SPATA7: variants seen among roughly 807,000 people sequenced by gnomAD.
The protein encoded by SPATA7 is spermatogenesis associated 7.
SPATA7 carries 43 observed loss-of-function variants against 51.8 expected under a neutral mutation model. The ratio of observed to expected loss-of-function variants is 0.83; its 90% confidence interval spans 0.65 to 1.07. The LOEUF (loss-of-function observed/expected upper bound fraction) is 1.07. Among genes scored for constraint, SPATA7 ranks in the 50% least tolerant of loss-of-function variants. SPATA7 has a pLI of 0.00. For synonymous variants in SPATA7, 230 were observed against 252.8 expected (o/e 0.91, Z 0.86); for missense variants, 683 against 701.3 (o/e 0.97, Z 0.30).
intron 6 of SPATA7, among the ~76,000 whole-genome samples, chr14:88,427,263 T>A (rs568747008): frequency 1.3e-5 from 2 of 152,198 alleles, no homozygotes; most frequent in Non-Finnish European, 2.9e-5. Context: ...GAATGTTCAA[T>A]AAAAGTTTGC....
Position 88,438,143 on chromosome 14 carries a change from A to G in SPATA7, c.1521A>G (p.Gln507=), listed in dbSNP as rs112540192. 12 of 1,613,822 alleles carry G rather than the reference A, an allele frequency of 7.4e-6. No homozygotes were observed. Among genetic ancestry groups the G allele is most frequent in the African/African-American group, 6.7e-5 (5 of 75,042 alleles). ...AGCATTCAGAAGGGGTTATAATTCA[A>G]CAGGTGAATGATGAAACAAATCTTG... ...KSKHSEGVII[Q]QVNDETNLET... The change falls in exon 12 of 12, where the codon CAA becomes CAG. Residue 507 remains glutamine, a synonymous_variant. Coordinates refer to ENST00000393545, the MANE Select transcript of SPATA7 (RefSeq NM_018418.5).
chr14:88,437,088 T>C (rs1347574921), intron 10 of SPATA7, among the ~76,000 whole-genome samples: 3 of 151,558 alleles, frequency 2.0e-5, no homozygotes, highest in Non-Finnish European at 2.9e-5. Context: ...TTTTTTTTGG[T>C]GTCCTTTTCC....
At chr14:88,391,670 T>A in intron 2 of SPATA7, 1 of 615,510 alleles carries the variant, frequency 1.6e-6, no homozygotes, top group Non-Finnish European at 3.0e-6. Context: ...TGGACTTGGC[T>A]GTCTCCTGCT....
intron 4 of SPATA7, among the ~76,000 whole-genome samples, chr14:88,406,273 A>T (rs1243489671): frequency 6.6e-6 from 1 of 152,012 alleles, no homozygotes; most frequent in East Asian, 1.9e-4. Flanking sequence ...TTGAAAAATA[A>T]TTTACATACT....
rs776035878 is a variant in SPATA7 at position 88,433,102 on chromosome 14, AT to A, written c.1083-28del. 12 of 1,547,672 alleles carry A rather than the reference AT, an allele frequency of 7.8e-6. No homozygotes were observed. The Admixed American group carries it at 1.8e-4, about 24-fold the overall frequency. ...CAGTTTTCAGAATAAGTAAGGAATA[AT>A]TTTTATGCTATATATTGCCTTCCTT... On this transcript the variant is annotated intron_variant, in intron 9 of 11. Transcript: ENST00000393545.
intron 4 of SPATA7, among the ~76,000 whole-genome samples, chr14:88,408,682 G>T (rs150218833): frequency 0.035 from 5,371 of 152,142 alleles, 313 homozygotes; most frequent in African/African-American, 0.12. Flanking sequence ...CCTTGTCTTG[G>T]GCCGGTTTTC....
In SPATA7 at chr14:88,445,485, C is replaced by T. The variant is rs1313303333; in HGVS notation, c.177+7582C>T. On this transcript the variant is annotated intron_variant, in intron 3 of 3. Transcript: ENST00000554802. ...AACTGAATACCCTTTATTTCCTTCT[C>T]CTGCCCAATTGCCCTGGCCAGAACT... 1.4e-4 allele frequency among the ~76,000 whole-genome samples: 22 copies of T among 152,156 alleles called. 1 individual carries two copies. The highest frequency in any genetic ancestry group is 1.4e-3 in the Admixed American group (22 of 15,274).
At chr14:88,455,104 A>G (rs773978971) in exon 4 of SPATA7, 1 of 455,988 alleles carries the variant, frequency 2.2e-6, no homozygotes. Context: ...CCCCACTGGA[A>G]GATGAATAAA....
At chr14:88,460,350 C>G (rs1170141404) in intron 4 of SPATA7, among the ~76,000 whole-genome samples, 1 of 152,184 alleles carries the variant, frequency 6.6e-6, no homozygotes, top group Non-Finnish European at 1.5e-5. Flanking sequence ...GTACACCAAT[C>G]AGACATAAAT....
intron 5 of SPATA7, among the ~76,000 whole-genome samples, chr14:88,419,007 TA>T (rs2076563184): frequency 1.3e-5 from 2 of 152,208 alleles, no homozygotes; most frequent in African/African-American, 4.8e-5. Flanking sequence ...TGTTTGAAAA[TA>T]AAATATATTC....
In SPATA7 at chr14:88,437,819, C is replaced by T. The variant is rs368168750; in HGVS notation, c.1216-19C>T. 163 of 1,578,114 alleles carry T rather than the reference C, an allele frequency of 1.0e-4. No individual in the cohort carries two copies. Among genetic ancestry groups the T allele is most frequent in the Non-Finnish European group, 1.3e-4 (154 of 1,166,802 alleles). On this transcript the variant is annotated intron_variant, in intron 11 of 11. Transcript: ENST00000393545. ...TTGACTCAATTAATGTAATTAGTCT[C>T]ATCTTTTCTTAATCCTAGGAAAAAA...
intron 4 of SPATA7, chr14:88,468,996 C>G (rs773574928): frequency 6.2e-7 from 1 of 1,614,166 alleles, no homozygotes; most frequent in South Asian, 1.1e-5. Flanking sequence ...CTGCAGTGGA[C>G]CAACAACGGA....
rs572544001 is a variant in SPATA7, at chr14:88,416,281, T to C, written c.239-430T>C. 3.5e-4 allele frequency: 56 copies of C among 160,316 alleles called. No homozygotes were observed. The Middle Eastern group carries it at 0.013, about 37-fold the overall frequency. 9.9% of individuals were successfully genotyped at this position (160,316 alleles called of 1,614,324 possible). A position where few individuals can be genotyped will look rare whatever the true frequency, so the allele number is the denominator to read the frequency against. On this transcript the variant is annotated intron_variant, in intron 4 of 11. Coordinates refer to ENST00000393545, the MANE Select transcript of SPATA7 (RefSeq NM_018418.5). ...TCTTCTTTGTTTGTGAAGCTTAGTATTTGGTGATTACATAGTCATAAATAA... is the reference window on the plus strand; with the variant it reads ...TCTTCTTTGTTTGTGAAGCTTAGTACTTGGTGATTACATAGTCATAAATAA...
intron 4 of SPATA7, chr14:88,468,334 G>A (rs189478554): frequency 7.1e-5 from 101 of 1,421,592 alleles, no homozygotes; most frequent in Non-Finnish European, 9.4e-5. Flanking sequence ...GGGAGGACAC[G>A]AGTGTCCTGG....
intron 3 of SPATA7, among the ~76,000 whole-genome samples, chr14:88,394,107 A>G (rs905419922): frequency 1.3e-5 from 2 of 152,240 alleles, no homozygotes; most frequent in African/African-American, 2.4e-5. Flanking sequence ...ATTCAAATGT[A>G]GTTATCCATA....
chr14:88,415,575 G>A (rs1460060661), intron 4 of SPATA7, among the ~76,000 whole-genome samples: 1 of 151,632 alleles, frequency 6.6e-6, no homozygotes, highest in Non-Finnish European at 1.5e-5. Context: ...CCTTTTAACT[G>A]GGTACATTTA....
In SPATA7 at chr14:88,469,401, G is replaced by A; in HGVS notation, c.255-446G>A. ...GTTAAAACAAGTCCGAAGCTTATAT[G>A]AGATAACATAAAGGAAATATTTCGG... On this transcript the variant is annotated intron_variant, in intron 4 of 4. Coordinates refer to the SPATA7 transcript ENST00000556406. The surrounding 1 kb of genome is among the most constrained non-coding windows in gnomAD (Gnocchi z 4.3). The A allele has an allele frequency of 1.8e-6, 2 of 1,085,994 alleles. No individual in the cohort carries two copies. The highest frequency in any genetic ancestry group is 1.4e-5 in the South Asian group (1 of 69,542). The allele number at this position is 1,085,994 out of a possible 1,614,324, so 67.3% of individuals were successfully genotyped here. A position where few individuals can be genotyped will look rare whatever the true frequency, so the allele number is the denominator to read the frequency against.
At position 88,391,410 on chromosome 14, in the gene SPATA7, G is replaced by C; in HGVS notation, c.49G>C (p.Gly17Arg). 1 of 1,613,210 alleles carries C rather than the reference G, an allele frequency of 6.2e-7. No homozygotes were observed. The highest frequency in any genetic ancestry group is 2.2e-5 in the East Asian group (1 of 44,848). ...VRATSVLPRY[G>R]PPCLFKGHLS... Reference sequence around the variant, plus strand: ...AGCAACCTCTGTCCTTCCCAGATATGGTCCACCGTGCCTATTTAAAGGACA... The same window carrying C: ...AGCAACCTCTGTCCTTCCCAGATATCGTCCACCGTGCCTATTTAAAGGACA... The change falls in exon 2 of 12, where the codon GGT (glycine) becomes CGT (arginine). Residue 17 changes from glycine to arginine, a missense_variant. Gly to Arg is a moderately radical substitution (Grantham distance 125, BLOSUM62 -2). Transcript: ENST00000393545.
intron 4 of SPATA7, among the ~76,000 whole-genome samples, chr14:88,405,667 G>A (rs1244645899): frequency 6.6e-6 from 1 of 152,194 alleles, no homozygotes; most frequent in Non-Finnish European, 1.5e-5. Flanking sequence ...TTACTGAAGT[G>A]AGCAATACCA....
Sources: allele counts gnomAD v4.1 joint callset (sites outside exome capture counted in the v4.1 genomes callset), GRCh38; gene constraint gnomAD v4.1.1; non-coding constraint Gnocchi (gnomAD v3.1); transcripts MANE v1.5; gene names NCBI Gene and HGNC (gene_info 2026-07-23, HGNC 2026-07-21).